SYCP1: variants seen among roughly 807,000 people sequenced by gnomAD.
SYCP1 encodes the protein synaptonemal complex protein 1, also known as cancer/testis antigen 8.
In SYCP1, 64 loss-of-function variants were observed where a neutral mutation model predicts 153.1. The ratio of observed to expected loss-of-function variants is 0.42; its 90% CI spans 0.34 to 0.51. The LOEUF (loss-of-function observed/expected upper bound fraction) is 0.51. SYCP1 is among the 20% of genes least tolerant of loss of function. The pLI is 0.06. For synonymous variants in SYCP1, 384 were observed against 341.8 expected, an observed-to-expected ratio of 1.12 and a Z score of -1.36; for missense variants, 997 against 1,049.0, an observed-to-expected ratio of 0.95 and a Z score of 0.68.
intron 23 of SYCP1, among the ~76,000 whole-genome samples, chr1:114,941,000 A>G (rs988667471): frequency 2.0e-5 from 3 of 152,270 alleles, no homozygotes; most frequent in Non-Finnish European, 4.4e-5. Flanking sequence ...TTTTTATTAC[A>G]TACGATAGAA....
At chr1:114,901,980 G>T (rs187634789) in intron 16 of SYCP1, among the ~76,000 whole-genome samples, 1 of 152,262 alleles carries the variant, frequency 6.6e-6, no homozygotes, top group Non-Finnish European at 1.5e-5. Context: ...AGGGAGAGAA[G>T]CATAATTGCT....
At chr1:114,878,348 T>C (rs1392127648) in intron 12 of SYCP1, 146 bp downstream of exon 12, 1 of 545,770 alleles carries the variant, frequency 1.8e-6, no homozygotes, top group East Asian at 3.4e-5. Context: ...GAGGGCATAA[T>C]AGATTAACCT....
At chr1:114,992,109 C>T (rs1414708317) in intron 30 of SYCP1, among the ~76,000 whole-genome samples, 1 of 151,634 alleles carries the variant, frequency 6.6e-6, no homozygotes, top group African/African-American at 2.4e-5. Context: ...AAGTAAAATA[C>T]TTGTACACTG....
intron 27 of SYCP1, among the ~76,000 whole-genome samples, chr1:114,957,512 GA>G (rs1415910755): frequency 6.6e-6 from 1 of 152,132 alleles, no homozygotes; most frequent in East Asian, 1.9e-4. Flanking sequence ...TCAACCCTTG[GA>G]ATGGGAGAAC....
At chr1:114,953,910 T>C (rs181824869) in intron 27 of SYCP1, among the ~76,000 whole-genome samples, 2 of 152,222 alleles carry the variant, frequency 1.3e-5, no homozygotes, top group South Asian at 2.1e-4. Flanking sequence ...AGTTTTCAAA[T>C]CTATAGCATG....
At chr1:114,938,955 G>C (rs1670211783) in intron 23 of SYCP1, among the ~76,000 whole-genome samples, 2 of 152,154 alleles carry the variant, frequency 1.3e-5, no homozygotes, top group African/African-American at 4.8e-5. Flanking sequence ...GAGCACTGTT[G>C]ATGGGAATGT....
At chr1:114,966,583 C>T (rs1297858871) in intron 27 of SYCP1, among the ~76,000 whole-genome samples, 1 of 152,010 alleles carries the variant, frequency 6.6e-6, no homozygotes, top group African/African-American at 2.4e-5. Flanking sequence ...TATTTAGTTC[C>T]ACCTTAATTT....
chr1:114,871,451 A>T (rs1259540689), intron 8 of SYCP1, among the ~76,000 whole-genome samples: 3 of 152,036 alleles, frequency 2.0e-5, no homozygotes, highest in Non-Finnish European at 4.4e-5. Flanking sequence ...TATGGGCTTG[A>T]GCCACCAGGC....
Position 114,926,245 on chromosome 1 carries a change from A to G in SYCP1, c.1801-33A>G, listed in dbSNP as rs1027541232. 4.8e-6 allele frequency: 7 copies of G among 1,445,566 alleles called. No homozygotes were observed. In the African/African-American group the frequency reaches 5.7e-5, roughly 12 times the overall value. 89.5% of individuals were successfully genotyped at this position (1,445,566 alleles called of 1,614,324 possible). A position where few individuals can be genotyped will look rare whatever the true frequency, so the allele number is the denominator to read the frequency against. ...TTGCCTGTTTCAACTGGTATACTGA[A>G]TAAAATAGCTATAATTTCTCACAAT... On this transcript the variant is annotated intron_variant, in intron 21 of 31. Coordinates refer to ENST00000369522, the MANE Select transcript of SYCP1 (RefSeq NM_003176.4).
At chr1:114,871,987 CT>C (rs1391853476) in intron 8 of SYCP1, among the ~76,000 whole-genome samples, 3 of 146,872 alleles carry the variant, frequency 2.0e-5, no homozygotes, top group Admixed American at 6.8e-5. Context: ...CGTTGATGCT[CT>C]TTTTTTTCTT....
At chr1:114,877,632 G>A (rs1665630564) in intron 11 of SYCP1, among the ~76,000 whole-genome samples, 1 of 152,200 alleles carries the variant, frequency 6.6e-6, no homozygotes, top group African/African-American at 2.4e-5. Context: ...GGGCTTCCTT[G>A]TAAAATGATG....
intron 12 of SYCP1, among the ~76,000 whole-genome samples, chr1:114,885,180 A>G (rs1666208311): frequency 6.6e-6 from 1 of 152,110 alleles, no homozygotes; most frequent in Non-Finnish European, 1.5e-5. Context: ...TGAATATCCA[A>G]ATTAATAATC....
chr1:114,943,690 A>G (rs527752398), intron 23 of SYCP1, among the ~76,000 whole-genome samples: 1 of 151,832 alleles, frequency 6.6e-6, no homozygotes, highest in Non-Finnish European at 1.5e-5. Flanking sequence ...GTAATGGTCT[A>G]TATTTTAAAG....
intron 20 of SYCP1, among the ~76,000 whole-genome samples, chr1:114,918,064 C>T (rs1156494027): frequency 6.6e-6 from 1 of 151,968 alleles, no homozygotes; most frequent in East Asian, 1.9e-4. Context: ...TTGCCCAGTC[C>T]AATGTCCTGG....
At chr1:114,892,476 G>T (rs1380393267) in intron 15 of SYCP1, among the ~76,000 whole-genome samples, 7 of 152,176 alleles carry the variant, frequency 4.6e-5, no homozygotes, top group Non-Finnish European at 8.8e-5. Context: ...CCCCGCTGCT[G>T]GGGGCAGTGA....
chr1:114,951,046 A>G (rs983760878), intron 27 of SYCP1, among the ~76,000 whole-genome samples: 3 of 152,078 alleles, frequency 2.0e-5, no homozygotes, highest in South Asian at 2.1e-4. Context: ...GGATGGTCTC[A>G]ATCTCCTGAC....
chr1:114,884,790 A>G (rs559417731), intron 12 of SYCP1, among the ~76,000 whole-genome samples: 31 of 152,332 alleles, frequency 2.0e-4, no homozygotes, highest in African/African-American at 7.5e-4. Flanking sequence ...AGACTGGTTA[A>G]GTATCATGCC....
chr1:114,888,733 C>A (rs1666484249), intron 15 of SYCP1, among the ~76,000 whole-genome samples: 1 of 151,744 alleles, frequency 6.6e-6, no homozygotes, highest in Non-Finnish European at 1.5e-5. Context: ...ACTTTAAGTT[C>A]TAGGGTACAT....
At chr1:114,929,023 C>T (rs896377589) in intron 23 of SYCP1, among the ~76,000 whole-genome samples, 3 of 152,130 alleles carry the variant, frequency 2.0e-5, no homozygotes, top group African/African-American at 2.4e-5. Context: ...TTCATTGTGT[C>T]TCAAATGGCA....
Sources: gnomAD v4.1 joint callset for allele counts (sites outside exome capture counted in the v4.1 genomes callset) on GRCh38, gnomAD v4.1.1 for gene constraint, MANE v1.5 for transcripts, NCBI Gene and HGNC (gene_info 2026-07-23, HGNC 2026-07-21) for gene names.